Variants in ENTREP2 observed in about 807,000 individuals in gnomAD.
ENTREP2 encodes the protein protein ENTREP2.
chr15:29,255,044 G>C, the ENTREP2 span, among the ~76,000 whole-genome samples: 2 of 152,240 alleles, frequency 1.3e-5, no homozygotes, highest in African/African-American at 4.8e-5. Context: ...TGACACCTGG[G>C]TCCTTTCAAC....
the ENTREP2 span, among the ~76,000 whole-genome samples, chr15:29,503,327 A>C: frequency 6.6e-6 from 1 of 152,200 alleles, no homozygotes; most frequent in African/African-American, 2.4e-5. Context: ...AAGTAAAAGA[A>C]GCCAAATACA....
chr15:29,208,465 T>G, the ENTREP2 span, among the ~76,000 whole-genome samples: 890 of 152,322 alleles, frequency 5.8e-3, 7 homozygotes, highest in African/African-American at 0.021. Flanking sequence ...CTCAAGCCTC[T>G]GCCCAGTGGC....
At chr15:29,649,167 G>A in the ENTREP2 span, among the ~76,000 whole-genome samples, 5 of 151,790 alleles carry the variant, frequency 3.3e-5, no homozygotes, top group Non-Finnish European at 5.9e-5. Context: ...CATCAGAGAG[G>A]CCTAAAAAAA....
chr15:29,180,482 T>A, the ENTREP2 span, among the ~76,000 whole-genome samples: 1 of 152,046 alleles, frequency 6.6e-6, no homozygotes, highest in Non-Finnish European at 1.5e-5. Context: ...CTGACCAACA[T>A]GGTGAAACCC....
the ENTREP2 span, among the ~76,000 whole-genome samples, chr15:29,253,916 A>G: frequency 6.6e-6 from 1 of 152,126 alleles, no homozygotes. Flanking sequence ...CCTGAGGTAT[A>G]GTTCATATAT....
At chr15:29,535,779 C>T in the ENTREP2 span, among the ~76,000 whole-genome samples, 1 of 152,036 alleles carries the variant, frequency 6.6e-6, no homozygotes, top group African/African-American at 2.4e-5. Context: ...CTCTATCGGC[C>T]AGGCTGGAGT....
the ENTREP2 span, among the ~76,000 whole-genome samples, chr15:29,398,136 A>G: frequency 2.0e-5 from 3 of 149,724 alleles, no homozygotes; most frequent in African/African-American, 7.4e-5. Flanking sequence ...AGAGACTCAA[A>G]AACTTAGCAT....
chr15:29,156,811 A>C, the ENTREP2 span, among the ~76,000 whole-genome samples: 1 of 152,128 alleles, frequency 6.6e-6, no homozygotes, highest in South Asian at 2.1e-4. Flanking sequence ...ACTGTGGGAG[A>C]GAAGCAGTCT....
chr15:29,471,340 C>T, the ENTREP2 span, among the ~76,000 whole-genome samples: 1,061 of 152,366 alleles, frequency 7.0e-3, 7 homozygotes, highest in African/African-American at 0.025. Context: ...CCAAGAAGGA[C>T]TTCTGACCAC....
the ENTREP2 span, among the ~76,000 whole-genome samples, chr15:29,139,928 G>T: frequency 6.6e-6 from 1 of 152,206 alleles, no homozygotes; most frequent in South Asian, 2.1e-4. Context: ...GGGGCTGGAG[G>T]TCTGCAGACT....
the ENTREP2 span, among the ~76,000 whole-genome samples, chr15:29,339,506 C>T: frequency 5.9e-5 from 9 of 152,310 alleles, no homozygotes; most frequent in East Asian, 7.7e-4. Context: ...AAAGAAAATT[C>T]GTGCGCTGTA....
At chr15:29,472,490 A>G in the ENTREP2 span, among the ~76,000 whole-genome samples, 1 of 149,322 alleles carries the variant, frequency 6.7e-6, no homozygotes, top group African/African-American at 2.5e-5. Context: ...TTTGAGACGG[A>G]GTCTCGCTCT....
chr15:29,196,164 T>C, the ENTREP2 span, among the ~76,000 whole-genome samples: 359 of 152,278 alleles, frequency 2.4e-3, 4 homozygotes, highest in African/African-American at 8.0e-3. Flanking sequence ...TGTAAAGACC[T>C]CTTTCAACCA....
At chr15:29,279,043 A>C in the ENTREP2 span, among the ~76,000 whole-genome samples, 1 of 152,116 alleles carries the variant, frequency 6.6e-6, no homozygotes, top group Non-Finnish European at 1.5e-5. Flanking sequence ...TTTGTTGACT[A>C]TAAGGATACC....
the ENTREP2 span, among the ~76,000 whole-genome samples, chr15:29,229,869 C>T: frequency 6.6e-6 from 1 of 152,166 alleles, no homozygotes; most frequent in Non-Finnish European, 1.5e-5. Flanking sequence ...ATCTCTATCT[C>T]AGACCACTTT....
At chr15:29,329,010 C>G in the ENTREP2 span, among the ~76,000 whole-genome samples, 1 of 152,122 alleles carries the variant, frequency 6.6e-6, no homozygotes, top group Non-Finnish European at 1.5e-5. Context: ...ACATACATAC[C>G]TTTGATAAAA....
chr15:29,416,385 G>A, the ENTREP2 span, among the ~76,000 whole-genome samples: 632 of 152,182 alleles, frequency 4.2e-3, 3 homozygotes, highest in Non-Finnish European at 4.0e-3. Context: ...TGACAAAAAC[G>A]AGAAATGGGG....
chr15:29,198,709 C>T, the ENTREP2 span, among the ~76,000 whole-genome samples: 1 of 152,374 alleles, frequency 6.6e-6, no homozygotes, highest in East Asian at 1.9e-4. Flanking sequence ...TTCCATGCCT[C>T]ATTCCCTGTC....
chr15:29,236,630 C>G, the ENTREP2 span, among the ~76,000 whole-genome samples: 1 of 152,072 alleles, frequency 6.6e-6, no homozygotes, highest in East Asian at 1.9e-4. Context: ...CTCTGGGTGA[C>G]AGAGCAAGAT....
Sources: gnomAD v4.1 joint callset for allele counts (sites outside exome capture counted in the v4.1 genomes callset) on GRCh38, gnomAD v4.1.1 for gene constraint, MANE v1.5 for transcripts, NCBI Gene and HGNC (gene_info 2026-07-23, HGNC 2026-07-21) for gene names.